NASP: variants seen among roughly 807,000 people sequenced by gnomAD.
The protein encoded by NASP is NASP histone chaperone.
In NASP, 24 loss-of-function variants were observed where a neutral mutation model predicts 89.5. That is an observed-to-expected ratio of 0.27 (90% confidence interval 0.19 to 0.38). The LOEUF (loss-of-function observed/expected upper bound fraction) is 0.38, where lower values mean the gene tolerates loss of function less well. Ranked by LOEUF, NASP falls within the 10% of genes least tolerant of loss-of-function variation. The pLI, the probability that NASP is intolerant of heterozygous loss-of-function variation, is 1.00. For missense variants in NASP, 848 were observed against 921.4 expected, an observed-to-expected ratio of 0.92 and a Z score of 1.03; for synonymous variants, 306 against 324.7, an observed-to-expected ratio of 0.94 and a Z score of 0.62.
At chr1:45,617,622 C>A in intron 14 of NASP, 31 bp downstream of exon 14, 1 of 1,542,864 alleles carries the variant, frequency 6.5e-7, no homozygotes, top group South Asian at 1.3e-5. Context: ...TAGCCTCTTG[C>A]CTCATTCCTT....
intron 14 of NASP, 83 bp from the exon 15 acceptor site, chr1:45,617,978 T>C: frequency 1.6e-6 from 2 of 1,247,656 alleles, no homozygotes; most frequent in Non-Finnish European, 2.3e-6. Flanking sequence ...TTGTATATGC[T>C]TCCTATGACT....
At chr1:45,599,802 G>GCT (rs1218963613) in intron 2 of NASP, among the ~76,000 whole-genome samples, 1 of 152,120 alleles carries the variant, frequency 6.6e-6, no homozygotes, top group Non-Finnish European at 1.5e-5. Flanking sequence ...ATGTGATGCT[G>GCT]CTCTCTCCCT....
At chr1:45,588,038 G>C (rs911224245) in intron 1 of NASP, among the ~76,000 whole-genome samples, 1 of 151,686 alleles carries the variant, frequency 6.6e-6, no homozygotes, top group Non-Finnish European at 1.5e-5. Flanking sequence ...CCAGGAGTTC[G>C]AGACCAGCCT....
chr1:45,611,165 GATAATTGATAGAAAAGTAA>G (rs532919421), intron 6 of NASP: 63 of 152,292 alleles, frequency 4.1e-4, no homozygotes, highest in African/African-American at 1.5e-3. Flanking sequence ...ACATATGTAG[GATAATTGATAGAAAAGTAA>G]ATACTTCATC....
chr1:45,617,380 C>T lies in NASP; in HGVS notation c.2158-83C>T, dbSNP rs144011867. 3,196 of 1,493,002 alleles carry T rather than the reference C, an allele frequency of 2.1e-3. 4 individuals are homozygous for T. The highest frequency in any genetic ancestry group is 2.7e-3 in the Non-Finnish European group (2,927 of 1,101,008). 92.5% of individuals were successfully genotyped at this position (1,493,002 alleles called of 1,614,324 possible). On this transcript the variant is annotated intron_variant, in intron 13 of 14. Coordinates refer to ENST00000350030, the MANE Select transcript of NASP (RefSeq NM_002482.4). ...ATCCTGATGTTCAGGATCTTTGCACCACAAGGGTTAAGGAAATGTTTTGCA... is the reference window on the plus strand; with the variant it reads ...ATCCTGATGTTCAGGATCTTTGCACTACAAGGGTTAAGGAAATGTTTTGCA...
intron 2 of NASP, chr1:45,594,561 G>A: frequency 2.8e-6 from 1 of 359,646 alleles, no homozygotes; most frequent in Non-Finnish European, 5.8e-6. Flanking sequence ...TTGGAGTACA[G>A]TGGAGCGATC....
chr1:45,584,698 G>A (rs1256425475), intron 1 of NASP, among the ~76,000 whole-genome samples: 1 of 152,156 alleles, frequency 6.6e-6, no homozygotes, highest in East Asian at 1.9e-4. Context: ...GGGCCTTGCT[G>A]AGGGCGGGGT....
chr1:45,599,953 A>ATTTTTTTTTTTT lies in NASP; in HGVS notation c.108-2291_108-2280dup, dbSNP rs11302173. On this transcript the variant is annotated intron_variant, in intron 2 of 14. Coordinates refer to ENST00000350030, the MANE Select transcript of NASP (RefSeq NM_002482.4). Reference sequence around the variant, plus strand: ...CTGTCCTAGAGTGCTTTTCCTCTGTATTTTTTTTTTTTTTTTTTTTTTGGC... The same window carrying ATTTTTTTTTTTT: ...CTGTCCTAGAGTGCTTTTCCTCTGTATTTTTTTTTTTTTTTTTTTTTTTTTTTTTTTTTTGGC... Among the ~76,000 whole-genome samples the ATTTTTTTTTTTT allele has an allele frequency of 1.3e-4, 10 of 79,074 alleles. 1 individual carries two copies. The highest frequency in any genetic ancestry group is 5.1e-4 in the African/African-American group (10 of 19,748). The allele number at this position is 79,074 out of a possible 152,430, so 51.9% of individuals were successfully genotyped here. A position where few individuals can be genotyped will look rare whatever the true frequency, so the allele number is the denominator to read the frequency against.
intron 1 of NASP, among the ~76,000 whole-genome samples, chr1:45,585,941 G>GTGTTTT (rs1407266144): frequency 2.0e-5 from 3 of 152,136 alleles, no homozygotes; most frequent in Admixed American, 6.5e-5. Context: ...GCAGGGCCAG[G>GTGTTTT]TGTTTTTGTT....
At chr1:45,609,746 C>G (rs1032115040) in intron 6 of NASP, 1 of 152,052 alleles carries the variant, frequency 6.6e-6, no homozygotes, top group African/African-American at 2.4e-5. Context: ...GTAGTATTGC[C>G]CAAGTTACAG....
chr1:45,609,629 AG>A (rs1223848337), intron 6 of NASP: 4 of 152,250 alleles, frequency 2.6e-5, no homozygotes, highest in African/African-American at 9.6e-5. Flanking sequence ...GCTACAATAC[AG>A]ATATCACAGT....
At chr1:45,595,159 G>A in intron 2 of NASP, among the ~76,000 whole-genome samples, 1 of 148,472 alleles carries the variant, frequency 6.7e-6, no homozygotes, top group African/African-American at 2.5e-5. Context: ...GTGTGTGTGT[G>A]TGTGTGTGTG....
chr1:45,588,693 CTT>C (rs1310742870), intron 1 of NASP: 1 of 430,408 alleles, frequency 2.3e-6, no homozygotes, highest in Non-Finnish European at 4.6e-6. Flanking sequence ...TAATCCAGCA[CTT>C]TGGGAGGCCG....
At chr1:45,600,039 G>C (rs955778619) in intron 2 of NASP, among the ~76,000 whole-genome samples, 1 of 120,078 alleles carries the variant, frequency 8.3e-6, no homozygotes, top group African/African-American at 3.3e-5. Flanking sequence ...GCTCATTCTT[G>C]TTATAATCAC....
At position 45,608,201 on chromosome 1, in the gene NASP, A is replaced by G. The variant is rs765526414; in HGVS notation, c.1290A>G (p.Glu430=). The G allele has an allele frequency of 3.1e-6, 5 of 1,614,218 alleles. No homozygotes were observed. In the South Asian group the frequency reaches 5.5e-5, roughly 18 times the overall value. ...PSQEETKLSV[E]ESEAAGDGVD... Reference sequence around the variant, plus strand: ...AGGAGGAGACTAAGCTGTCTGTAGAAGAGTCTGAGGCAGCTGGAGATGGGG... The same window carrying G: ...AGGAGGAGACTAAGCTGTCTGTAGAGGAGTCTGAGGCAGCTGGAGATGGGG... Residue 430 remains glutamate, a synonymous_variant, in exon 6 of 15, where the codon GAA becomes GAG. Transcript: ENST00000350030.
At chr1:45,594,631 TGG>T (rs1435108528) in intron 2 of NASP, 6 of 430,378 alleles carry the variant, frequency 1.4e-5, no homozygotes, top group Middle Eastern at 7.2e-4. Flanking sequence ...CTTAGACTCC[TGG>T]GTAGCTAGGA....
chr1:45,594,748 A>C (rs1450627648), intron 2 of NASP: 2 of 455,266 alleles, frequency 4.4e-6, no homozygotes, highest in Admixed American at 4.7e-5. Flanking sequence ...TTCTCACCTC[A>C]GCCACCTGAA....
In NASP at chr1:45,618,835, A is replaced by G. The variant is rs1472943836; in HGVS notation, c.*694A>G. The G allele has an allele frequency of 6.6e-6, 1 of 152,246 alleles. No homozygotes were observed. Among genetic ancestry groups the G allele is most frequent in the Non-Finnish European group, 1.5e-5 (1 of 68,054 alleles). The allele number at this position is 152,246 out of a possible 1,614,324, so 9.4% of individuals were successfully genotyped here. A position where few individuals can be genotyped will look rare whatever the true frequency, so the allele number is the denominator to read the frequency against. ...TGTATAGAAAGGTTGAGATATATCA[A>G]CACTTGGAATTGTTACCCATCTGCA... On this transcript the variant is annotated 3_prime_UTR_variant, in exon 15 of 15. Transcript: ENST00000350030.
At chr1:45,616,031 T>G (rs1206644736) in intron 11 of NASP, among the ~76,000 whole-genome samples, 1 of 152,236 alleles carries the variant, frequency 6.6e-6, no homozygotes, top group Non-Finnish European at 1.5e-5. Context: ...CTCATTTGCA[T>G]AAATTAATGA....
Sources: allele counts gnomAD v4.1 joint callset (sites outside exome capture counted in the v4.1 genomes callset), GRCh38; gene constraint gnomAD v4.1.1; transcripts MANE v1.5; gene names NCBI Gene and HGNC (gene_info 2026-07-23, HGNC 2026-07-21).